The following CDK19 variants were observed in gnomAD, a reference collection of about 807,000 sequenced individuals.
CDK19 encodes the protein cyclin dependent kinase 19.
Under a neutral mutation model 68.3 loss-of-function variants are expected in CDK19, and 20 were observed. The observed-to-expected ratio is 0.29, with a 90% confidence interval of 0.21 to 0.43. The LOEUF (loss-of-function observed/expected upper bound fraction) is 0.43, where lower values mean the gene tolerates loss of function less well. Ranked by LOEUF, CDK19 falls within the 20% of genes least tolerant of loss-of-function variation. CDK19 has a pLI of 1.00. For missense variants in CDK19, 339 were observed against 623.5 expected (o/e 0.54, Z 4.86); for synonymous variants, 221 against 222.8 (o/e 0.99, Z 0.07).
At chr6:110,775,831 T>C (rs1780357000) in intron 1 of CDK19, among the ~76,000 whole-genome samples, 1 of 152,230 alleles carries the variant, frequency 6.6e-6, no homozygotes, top group South Asian at 2.1e-4. Context: ...CAAAGTATTG[T>C]CTTAAAATCT....
chr6:110,649,079 T>C (rs1296252866), intron 4 of CDK19, among the ~76,000 whole-genome samples: 1 of 151,680 alleles, frequency 6.6e-6, no homozygotes, highest in Non-Finnish European at 1.5e-5. Flanking sequence ...GATAAGAAGA[T>C]TCGATACAGT....
chr6:110,711,403 T>C (rs1045742859), intron 2 of CDK19, among the ~76,000 whole-genome samples: 1 of 152,208 alleles, frequency 6.6e-6, no homozygotes, highest in Non-Finnish European at 1.5e-5. Flanking sequence ...AAAAGGGTAT[T>C]TGAATTATTT....
In CDK19 at chr6:110,614,630, G is replaced by C; in HGVS notation, c.1414C>G (p.Gln472Glu). 6.2e-7 allele frequency: 1 copy of C among 1,613,996 alleles called. No homozygotes were observed. The highest frequency in any genetic ancestry group is 1.1e-5 in the South Asian group (1 of 91,070). The stretch of plus-strand genomic sequence containing the variant: ...GTGCTCTGGGACTGAGAGGATCCCT[G>C]AACGCTGCTTTGGTAATTCAGGCGA... ...SSRLNYQSSV[Q>E]GSSQSQSTLG... Residue 472 changes from glutamine to glutamate, a missense_variant, in exon 13 of 13, where the codon CAG becomes GAG. Gln to Glu is a conservative substitution (Grantham distance 29). This residue lies in a region of CDK19 where 155 missense variants were observed against 222.7 expected (regional missense o/e 0.70). Transcript: ENST00000368911.
intron 1 of CDK19, among the ~76,000 whole-genome samples, chr6:110,751,744 T>C (rs1467474104): frequency 6.6e-6 from 1 of 151,880 alleles, no homozygotes; most frequent in African/African-American, 2.4e-5. Context: ...CAAATTCAAA[T>C]CATGAAATCA....
chr6:110,702,756 A>C (rs1007183578), intron 2 of CDK19, among the ~76,000 whole-genome samples: 5 of 152,214 alleles, frequency 3.3e-5, no homozygotes, highest in African/African-American at 1.2e-4. Context: ...ATATATATCT[A>C]TCTCTTTGGT....
At chr6:110,698,921 G>C (rs1384227719) in intron 2 of CDK19, among the ~76,000 whole-genome samples, 1 of 151,938 alleles carries the variant, frequency 6.6e-6, no homozygotes, top group Non-Finnish European at 1.5e-5. Flanking sequence ...AAATTAGCCA[G>C]GCATAGTGGC....
At chr6:110,628,644 G>C (rs1310453776) in intron 6 of CDK19, among the ~76,000 whole-genome samples, 1 of 152,146 alleles carries the variant, frequency 6.6e-6, no homozygotes, top group African/African-American at 2.4e-5. Context: ...CCCCTGGGGG[G>C]GTCTTGGGAC....
At chr6:110,747,635 T>C (rs964959020) in intron 1 of CDK19, among the ~76,000 whole-genome samples, 2 of 152,226 alleles carry the variant, frequency 1.3e-5, no homozygotes, top group African/African-American at 4.8e-5. Flanking sequence ...AGTGCTAATA[T>C]TATATTGCCT....
Position 110,650,170 on chromosome 6 carries a change from T to G in CDK19, c.457-11464A>C, listed in dbSNP as rs140693429. 1.3e-3 allele frequency among the ~76,000 whole-genome samples: 195 copies of G among 152,304 alleles called. 1 individual carries two copies. Among genetic ancestry groups the G allele is most frequent in the African/African-American group, 4.5e-3 (185 of 41,566 alleles). On this transcript the variant is annotated intron_variant, in intron 4 of 12. Coordinates refer to ENST00000368911, the MANE Select transcript of CDK19 (RefSeq NM_015076.5). Reference sequence around the variant, plus strand: ...GAACAGGATGCCATTTCATAAAGCTTAAAACCAGACAAAGCTAAAGAATAT... The same window carrying G: ...GAACAGGATGCCATTTCATAAAGCTGAAAACCAGACAAAGCTAAAGAATAT...
chr6:110,804,586 T>G (rs1428103504), intron 1 of CDK19, among the ~76,000 whole-genome samples: 1 of 150,870 alleles, frequency 6.6e-6, no homozygotes, highest in Non-Finnish European at 1.5e-5. Context: ...GACCTCGTGA[T>G]CCGCCCACCT....
intron 2 of CDK19, among the ~76,000 whole-genome samples, chr6:110,695,083 C>T (rs1344894040): frequency 6.6e-6 from 1 of 151,700 alleles, no homozygotes; most frequent in East Asian, 1.9e-4. Flanking sequence ...CGCCACTGCA[C>T]TCCAGTCTGA....
At chr6:110,764,429 T>C (rs1299416139) in intron 1 of CDK19, among the ~76,000 whole-genome samples, 3 of 152,150 alleles carry the variant, frequency 2.0e-5, no homozygotes, top group East Asian at 1.9e-4. Context: ...TGGAACAGAA[T>C]AGAGAGCTCA....
chr6:110,794,558 C>T (rs1017047238), intron 1 of CDK19, among the ~76,000 whole-genome samples: 5 of 151,332 alleles, frequency 3.3e-5, no homozygotes, highest in Admixed American at 6.6e-5. Context: ...CCCACCACCA[C>T]GTCCAGCTAA....
intron 4 of CDK19, among the ~76,000 whole-genome samples, chr6:110,644,515 T>A (rs1261158267): frequency 6.6e-6 from 1 of 152,178 alleles, no homozygotes. Flanking sequence ...TAAAAGAGTA[T>A]AATTGGATTG....
At chr6:110,652,543 T>C (rs1781038233) in intron 4 of CDK19, among the ~76,000 whole-genome samples, 1 of 152,204 alleles carries the variant, frequency 6.6e-6, no homozygotes, top group South Asian at 2.1e-4. Flanking sequence ...CTTAAACCCT[T>C]TAAAAATAAA....
chr6:110,692,593 C>A (rs1314847263), intron 2 of CDK19, among the ~76,000 whole-genome samples: 1 of 152,158 alleles, frequency 6.6e-6, no homozygotes, highest in Non-Finnish European at 1.5e-5. Flanking sequence ...AACTTCCTGG[C>A]CTTTGGCTAG....
At chr6:110,745,966 T>G (rs1477411590) in intron 2 of CDK19, among the ~76,000 whole-genome samples, 160 bp downstream of exon 2, 1 of 152,072 alleles carries the variant, frequency 6.6e-6, no homozygotes, top group Non-Finnish European at 1.5e-5. Flanking sequence ...AAAAATAAAA[T>G]AAAAAGTTTA....
intron 1 of CDK19, among the ~76,000 whole-genome samples, chr6:110,790,010 G>A (rs1223348231): frequency 6.6e-6 from 1 of 152,130 alleles, no homozygotes; most frequent in Non-Finnish European, 1.5e-5. Flanking sequence ...AGACTTAAAC[G>A]TTGGGGTAGG....
At chr6:110,697,226 G>A (rs1454851391) in intron 2 of CDK19, among the ~76,000 whole-genome samples, 1 of 151,526 alleles carries the variant, frequency 6.6e-6, no homozygotes, top group Non-Finnish European at 1.5e-5. Context: ...GCGAAACTCT[G>A]TCTCAAAATA....
Sources: allele counts gnomAD v4.1 joint callset (sites outside exome capture counted in the v4.1 genomes callset), GRCh38; gene constraint gnomAD v4.1.1; regional missense constraint gnomAD v4.1.1; transcripts MANE v1.5; gene names NCBI Gene and HGNC (gene_info 2026-07-23, HGNC 2026-07-21).